OTUD4: variants seen among roughly 807,000 people sequenced by gnomAD.
OTUD4 encodes OTU domain-containing protein 4.
A neutral mutation model predicts 130.4 loss-of-function variants in OTUD4; 24 were observed. The ratio of observed to expected loss-of-function variants is 0.18; its 90% confidence interval spans 0.13 to 0.26. The LOEUF is 0.26. Among genes scored for constraint, OTUD4 ranks in the 10% least tolerant of loss-of-function variants. The pLI, the probability that OTUD4 is intolerant of heterozygous loss-of-function variation, is 1.00. For missense variants in OTUD4, 1,031 were observed against 1,329.4 expected (o/e 0.78, Z 3.49); for synonymous variants, 420 against 472.5 (o/e 0.89, Z 1.44).
intron 11 of OTUD4, 41 bp downstream of exon 11, chr4:145,152,500 G>T (rs373880244): frequency 1.9e-6 from 2 of 1,057,392 alleles, no homozygotes; most frequent in Non-Finnish European, 2.9e-6. Context: ...TAGGCTAAAT[G>T]GAGGAGGCAG....
chr4:145,151,883 C>T (rs1332832661), intron 11 of OTUD4, among the ~76,000 whole-genome samples: 2 of 152,176 alleles, frequency 1.3e-5, no homozygotes, highest in Non-Finnish European at 2.9e-5. Flanking sequence ...TATTTTGCTA[C>T]TCCATCTGAC....
chr4:145,168,868 A>AT (rs1387975861), intron 3 of OTUD4, among the ~76,000 whole-genome samples: 1 of 152,260 alleles, frequency 6.6e-6, no homozygotes, highest in East Asian at 1.9e-4. Context: ...AGCAGCTTCA[A>AT]TTTTAACAAC....
At position 145,146,323 on chromosome 4, in the gene OTUD4, A is replaced by G; in HGVS notation, c.1366T>C (p.Ser456Pro). The G allele has an allele frequency of 6.3e-7, 1 of 1,595,418 alleles. No homozygotes were observed. Among genetic ancestry groups the G allele is most frequent in the Non-Finnish European group, 8.5e-7 (1 of 1,173,358 alleles). Reference protein sequence around the residue: ...ERREKQAIEESRLLYEIQNRD... With the variant: ...ERREKQAIEEPRLLYEIQNRD... ...TTCTGAATCTCATAGAGTAAACGGG[A>G]TTCTTCTATAGCTTGCTTCTCTCTG... The change falls in exon 14 of 21, where the codon TCC (serine) becomes CCC (proline). Residue 456 changes from serine (S) to proline (P), a missense_variant. Around this residue, in one of 3 missense-constraint regions of OTUD4, gnomAD observed 900 missense variants for 1,095.9 expected, o/e 0.82. Coordinates refer to ENST00000447906, the MANE Select transcript of OTUD4 (RefSeq NM_001366057.1).
At chr4:145,151,589 T>G (rs1485277692) in intron 11 of OTUD4, among the ~76,000 whole-genome samples, 1 of 152,002 alleles carries the variant, frequency 6.6e-6, no homozygotes, top group Non-Finnish European at 1.5e-5. Flanking sequence ...GAGCCAAAAT[T>G]GCGCCATTGC....
intron 14 of OTUD4, among the ~76,000 whole-genome samples, chr4:145,145,342 G>A (rs1042772747): frequency 3.1e-4 from 47 of 151,860 alleles, no homozygotes; most frequent in Admixed American, 3.3e-4. Context: ...AAATGGATTC[G>A]GCACTTCTTC....
intron 3 of OTUD4, 130 bp from the exon 4 acceptor site, chr4:145,165,327 G>T: frequency 1.8e-6 from 1 of 545,010 alleles, no homozygotes; most frequent in Non-Finnish European, 3.3e-6. Flanking sequence ...GTAGTATTGT[G>T]AATATTATAA....
intron 11 of OTUD4, among the ~76,000 whole-genome samples, chr4:145,152,261 C>A (rs868445731): frequency 6.6e-6 from 1 of 152,010 alleles, no homozygotes; most frequent in African/African-American, 2.4e-5. Flanking sequence ...TACAGGCATG[C>A]GCTGCCATGT....
Position 145,135,062 on chromosome 4 carries a change from T to G in OTUD4, c.*2368A>C. 2.6e-6 allele frequency: 1 copy of G among 378,408 alleles called. No individual in the cohort carries two copies. Among genetic ancestry groups the G allele is most frequent in the Non-Finnish European group, 4.6e-6 (1 of 216,076 alleles). 23.4% of individuals were successfully genotyped at this position (378,408 alleles called of 1,614,324 possible). On this transcript the variant is annotated 3_prime_UTR_variant, in exon 21 of 21. Coordinates refer to ENST00000447906, the MANE Select transcript of OTUD4 (RefSeq NM_001366057.1). ...CAGCATAAGGCAAAATCCCCTGGACTAATACATTTAAAAACAAACTTAAAG... is the reference window on the plus strand; with the variant it reads ...CAGCATAAGGCAAAATCCCCTGGACGAATACATTTAAAAACAAACTTAAAG...
intron 19 of OTUD4, 69 bp downstream of exon 19, chr4:145,141,310 T>A: frequency 7.2e-7 from 1 of 1,387,174 alleles, no homozygotes; most frequent in South Asian, 1.6e-5. Context: ...TCTACTTACA[T>A]CTCTTCATTT....
In OTUD4 at chr4:145,161,219, T is replaced by C. The variant is rs36225149; in HGVS notation, c.496+1421A>G. On this transcript the variant is annotated intron_variant, in intron 6 of 20. Coordinates refer to ENST00000447906, the MANE Select transcript of OTUD4 (RefSeq NM_001366057.1). The stretch of plus-strand genomic sequence containing the variant: ...AGACCATCTTTCTTCCAGGTTCCAG[T>C]AACAGGAGTTGCAGCCCTCGTATCA... Among the ~76,000 whole-genome samples the C allele has an allele frequency of 7.7e-3, 1,168 of 152,240 alleles. 10 individuals carry two copies. The highest frequency in any genetic ancestry group is 0.01 in the Non-Finnish European group (697 of 68,012).
At chr4:145,150,767 A>G in intron 12 of OTUD4, 35 bp downstream of exon 12, 1 of 1,605,166 alleles carries the variant, frequency 6.2e-7, no homozygotes. Flanking sequence ...CCATCATCCC[A>G]ATCCCAAAGG....
chr4:145,144,907 G>A (rs1750747973), intron 14 of OTUD4, among the ~76,000 whole-genome samples: 1 of 152,152 alleles, frequency 6.6e-6, no homozygotes, highest in Non-Finnish European at 1.5e-5. Flanking sequence ...AACTCTGCAT[G>A]AGATAAGGGA....
chr4:145,148,328 C>T (rs1467017284), intron 13 of OTUD4, among the ~76,000 whole-genome samples: 1 of 152,066 alleles, frequency 6.6e-6, no homozygotes, highest in Non-Finnish European at 1.5e-5. Context: ...GGTAAGACCC[C>T]GTCTTTAATT....
chr4:145,178,793 T>A (rs1045940594), intron 1 of OTUD4, among the ~76,000 whole-genome samples: 1 of 152,092 alleles, frequency 6.6e-6, no homozygotes, highest in African/African-American at 2.4e-5. Context: ...TACTCACAAA[T>A]AGAAATTTTA....
At chr4:145,152,937 G>A (rs1414497052) in intron 10 of OTUD4, among the ~76,000 whole-genome samples, 1 of 149,426 alleles carries the variant, frequency 6.7e-6, no homozygotes, top group Non-Finnish European at 1.5e-5. Flanking sequence ...GTTTCACCGT[G>A]TTGGCCAGCC....
At chr4:145,139,475 A>C (rs1750452493) in intron 20 of OTUD4, among the ~76,000 whole-genome samples, 1 of 152,206 alleles carries the variant, frequency 6.6e-6, no homozygotes, top group South Asian at 2.1e-4. Context: ...TCTAGTCAAC[A>C]ACCACACTAT....
intron 3 of OTUD4, chr4:145,171,314 C>A (rs1317871729): frequency 5.9e-6 from 1 of 170,618 alleles, no homozygotes; most frequent in Non-Finnish European, 1.2e-5. Context: ...GAGTTAAATT[C>A]CACCTCAAAA....
At chr4:145,144,675 A>C (rs1393760375) in intron 14 of OTUD4, among the ~76,000 whole-genome samples, 2 of 152,158 alleles carry the variant, frequency 1.3e-5, no homozygotes, top group African/African-American at 4.8e-5. Context: ...AGATTAGTAG[A>C]CTTAATCTTC....
intron 8 of OTUD4, 34 bp from the exon 9 acceptor site, chr4:145,155,720 A>C (rs1162788118): frequency 7.3e-7 from 1 of 1,362,602 alleles, no homozygotes; most frequent in Admixed American, 2.2e-5. Flanking sequence ...TCAACACATA[A>C]GTGCTTTTAA....
Sources: allele counts gnomAD v4.1 joint callset (sites outside exome capture counted in the v4.1 genomes callset), GRCh38; gene constraint gnomAD v4.1.1; regional missense constraint gnomAD v4.1.1; transcripts MANE v1.5; gene names NCBI Gene and HGNC (gene_info 2026-07-23, HGNC 2026-07-21).